CEP350: variants seen among roughly 807,000 people sequenced by gnomAD.
The protein encoded by CEP350 is centrosomal protein 350.
A neutral mutation model predicts 331.8 loss-of-function variants in CEP350; 126 were observed. The observed-to-expected ratio is 0.38, with a 90% confidence interval of 0.33 to 0.44. The LOEUF is 0.44. CEP350 is among the 20% of genes least tolerant of loss of function. CEP350 has a pLI of 1.00. For missense variants in CEP350, 3,406 were observed against 3,634.6 expected (o/e 0.94, Z 1.62); for synonymous variants, 1,200 against 1,259.5 (o/e 0.95, Z 1.00).
At chr1:180,018,618 C>T (rs1170591053) in intron 11 of CEP350, among the ~76,000 whole-genome samples, 1 of 152,094 alleles carries the variant, frequency 6.6e-6, no homozygotes, top group African/African-American at 2.4e-5. Flanking sequence ...ACCCTGGTTA[C>T]CCCCCTTCAG....
intron 37 of CEP350, 81 bp downstream of exon 37, chr1:180,099,066 G>A: frequency 1.5e-6 from 2 of 1,354,908 alleles, no homozygotes; most frequent in Non-Finnish European, 2.0e-6. Context: ...AAAGGAAAAG[G>A]GATAGACTTA....
At chr1:180,097,551 G>A (rs965345575) in intron 36 of CEP350, among the ~76,000 whole-genome samples, 1 of 151,984 alleles carries the variant, frequency 6.6e-6, no homozygotes, top group African/African-American at 2.4e-5. Flanking sequence ...TAAGAACATT[G>A]TTTTTTTAAC....
At position 180,094,616 on chromosome 1, in the gene CEP350, G is replaced by A. The variant is rs375800445; in HGVS notation, c.8511G>A (p.Pro2837=). Residue 2837 remains proline, a splice_region_variant and synonymous_variant, in exon 34 of 38, where the codon CCG becomes CCA. Coordinates refer to ENST00000367607, the MANE Select transcript of CEP350 (RefSeq NM_014810.5). ...CCTCTCCAGATATGTGTCCCAGACC[G>A]GTGAGTATTTCGTCTAGAAAAAGTA... ...EISSPDMCPR[P]ESPVFGASGQ... 39 of 1,607,244 alleles carry A rather than the reference G, an allele frequency of 2.4e-5. No individual in the cohort carries two copies. Among genetic ancestry groups the A allele is most frequent in the Middle Eastern group, 1.7e-4 (1 of 6,034 alleles).
In CEP350 at chr1:180,108,288, C is replaced by G. The variant is rs139626681; in HGVS notation, c.9190-2709C>G. On this transcript the variant is annotated intron_variant, in intron 37 of 37. Coordinates refer to ENST00000367607, the MANE Select transcript of CEP350 (RefSeq NM_014810.5). The stretch of plus-strand genomic sequence containing the variant: ...TGCACAAAAGATTTCCTTAGTGTTT[C>G]CTAAATTTTGTTATTGTGGAGGAAA... 2.6e-5 allele frequency among the ~76,000 whole-genome samples: 4 copies of G among 152,112 alleles called. No individual in the cohort carries two copies. The East Asian group carries it at 7.8e-4, about 30-fold the overall frequency.
intron 1 of CEP350, among the ~76,000 whole-genome samples, chr1:179,962,359 G>A (rs929933590): frequency 6.6e-6 from 1 of 152,072 alleles, no homozygotes; most frequent in Admixed American, 6.6e-5. Flanking sequence ...ATTCCACGGT[G>A]TATATGTACC....
At position 180,111,403 on chromosome 1, in the gene CEP350, A is replaced by G; in HGVS notation, c.*242A>G. The G allele has an allele frequency of 2.8e-6, 1 of 358,020 alleles. No individual in the cohort carries two copies. Among genetic ancestry groups the G allele is most frequent in the East Asian group, 4.9e-5 (1 of 20,572 alleles). 22.2% of individuals were successfully genotyped at this position (358,020 alleles called of 1,614,324 possible). ...GGGCAGGGTTGCACAGTGTAATCCTACACCTTTTGCTAACACCCCTACTAG... is the reference window on the plus strand; with the variant it reads ...GGGCAGGGTTGCACAGTGTAATCCTGCACCTTTTGCTAACACCCCTACTAG... On this transcript the variant is annotated 3_prime_UTR_variant, in exon 38 of 38. Coordinates refer to ENST00000367607, the MANE Select transcript of CEP350 (RefSeq NM_014810.5).
chr1:180,034,305 CAT>C (rs953832726), intron 16 of CEP350, among the ~76,000 whole-genome samples: 3 of 152,072 alleles, frequency 2.0e-5, no homozygotes, highest in Non-Finnish European at 4.4e-5. Flanking sequence ...TTAGTCAAAA[CAT>C]ATCTGAAAAA....
chr1:180,024,332 G>A lies in CEP350; in HGVS notation c.3387-87G>A, dbSNP rs920064139. Reference sequence around the variant, plus strand: ...CTTTGATTGTAGTTATAGTCTCCTAGTGATTACATAGATTTTTAAATATCT... The same window carrying A: ...CTTTGATTGTAGTTATAGTCTCCTAATGATTACATAGATTTTTAAATATCT... On this transcript the variant is annotated intron_variant, in intron 13 of 37. Transcript: ENST00000367607. 2.5e-6 allele frequency: 3 copies of A among 1,221,442 alleles called. No individual in the cohort carries two copies. The African/African-American group carries it at 4.6e-5, about 19-fold the overall frequency. The allele number at this position is 1,221,442 out of a possible 1,614,324, so 75.7% of individuals were successfully genotyped here. A position where few individuals can be genotyped will look rare whatever the true frequency, so the allele number is the denominator to read the frequency against.
At position 179,987,275 on chromosome 1, in the gene CEP350, AC is replaced by A; in HGVS notation, c.111del (p.Lys38ArgfsTer4). On this transcript the variant is annotated frameshift_variant, in exon 3 of 38. Coordinates refer to ENST00000367607, the MANE Select transcript of CEP350 (RefSeq NM_014810.5). LOFTEE classifies it high-confidence loss of function. ...CACATCGTGGGATGCACTTTCTCAA[AC>A]CAAGGCTGCTGTAAGTAGTTTTAGC... ...ITTSWDALSQ[T>X]KAALRHIENK... 2 of 1,561,672 alleles carry A rather than the reference AC, an allele frequency of 1.3e-6. No individual in the cohort carries two copies. Among genetic ancestry groups the A allele is most frequent in the Non-Finnish European group, 1.8e-6 (2 of 1,138,280 alleles).
At chr1:180,041,932 A>G (rs1411938239) in intron 19 of CEP350, 130 bp downstream of exon 19, 1 of 785,222 alleles carries the variant, frequency 1.3e-6, no homozygotes, top group African/African-American at 1.8e-5. Flanking sequence ...AGTGGGGGCC[A>G]TACCCTATTG....
At chr1:180,007,124 C>T (rs759659089) in intron 8 of CEP350, among the ~76,000 whole-genome samples, 14 of 152,232 alleles carry the variant, frequency 9.2e-5, no homozygotes, top group African/African-American at 3.4e-4. Context: ...GGTATATACC[C>T]AATAATGGGA....
chr1:179,973,360 A>T (rs1476944012), intron 1 of CEP350, among the ~76,000 whole-genome samples: 1 of 152,232 alleles, frequency 6.6e-6, no homozygotes, highest in African/African-American at 2.4e-5. Flanking sequence ...GGTAGCTGAG[A>T]GAAATGTCTT....
intron 15 of CEP350, among the ~76,000 whole-genome samples, chr1:180,033,608 T>C (rs899392852): frequency 2.0e-5 from 3 of 152,180 alleles, no homozygotes; most frequent in Non-Finnish European, 2.9e-5. Context: ...GCTAGTTTAA[T>C]CAAGCTACTC....
chr1:180,008,260 C>A (rs541965643), intron 8 of CEP350, among the ~76,000 whole-genome samples: 22 of 152,142 alleles, frequency 1.4e-4, no homozygotes, highest in Non-Finnish European at 2.9e-4. Context: ...TGGCCCTCAT[C>A]CAGATTGCCC....
At position 180,021,267 on chromosome 1, in the gene CEP350, C is replaced by T. The variant is rs74784935; in HGVS notation, c.3235+258C>T. On this transcript the variant is annotated intron_variant, in intron 12 of 37. Coordinates refer to ENST00000367607, the MANE Select transcript of CEP350 (RefSeq NM_014810.5). Reference sequence around the variant, plus strand: ...GACTGGTAGCTTTAGAAATTTTTATCTAGTTCAGAGAAATTCATAGATGAT... The same window carrying T: ...GACTGGTAGCTTTAGAAATTTTTATTTAGTTCAGAGAAATTCATAGATGAT... Among the ~76,000 whole-genome samples, 3 of 152,170 alleles carry T rather than the reference C, an allele frequency of 2.0e-5. No individual in the cohort carries two copies. The East Asian group carries it at 5.8e-4, about 29-fold the overall frequency.
chr1:179,954,961 G>GTCT lies in CEP350; in HGVS notation c.-192_-190dup. ...GGAGGGGAGGCAGCCTTTCCGCCTT[G>GTCT]TCTTCCTTCCCAGCGGACCGGCGGA... On this transcript the variant is annotated 5_prime_UTR_variant, in exon 1 of 38. Coordinates refer to ENST00000367607, the MANE Select transcript of CEP350 (RefSeq NM_014810.5). 1.7e-6 allele frequency: 2 copies of GTCT among 1,149,980 alleles called. No individual in the cohort carries two copies. Among genetic ancestry groups the GTCT allele is most frequent in the Non-Finnish European group, 2.3e-6 (2 of 883,884 alleles). 71.2% of individuals were successfully genotyped at this position (1,149,980 alleles called of 1,614,324 possible).
At chr1:180,022,658 T>G in intron 12 of CEP350, 40 bp from the exon 13 acceptor site, 2 of 1,576,262 alleles carry the variant, frequency 1.3e-6, no homozygotes, top group South Asian at 1.2e-5. Context: ...AGTTTCTTGA[T>G]TTTCGTTTTT....
chr1:180,090,148 C>G (rs1660083578), intron 32 of CEP350, among the ~76,000 whole-genome samples: 1 of 152,086 alleles, frequency 6.6e-6, no homozygotes, highest in Non-Finnish European at 1.5e-5. Context: ...TATGGATGAA[C>G]TTGCATGTAA....
Position 180,094,197 on chromosome 1 carries a change from C to A in CEP350, c.8092C>A (p.Gln2698Lys), listed in dbSNP as rs866876691. The A allele has an allele frequency of 1.9e-6, 3 of 1,613,108 alleles. No individual in the cohort carries two copies. In the African/African-American group the frequency reaches 4.0e-5, roughly 22 times the overall value. The change falls in exon 34 of 38, where the codon CAG becomes AAG. Residue 2698 changes from glutamine to lysine, a missense_variant. Around this residue, in one of 5 missense-constraint regions of CEP350, gnomAD observed 1,415 missense variants for 1,512.3 expected, o/e 0.94. Coordinates refer to ENST00000367607, the MANE Select transcript of CEP350 (RefSeq NM_014810.5). ...NTFSEELEKQ[Q>K]QFTEEEDNLY... ...CTTTTCCGAAGAATTGGAGAAGCAA[C>A]AGCAGTTTACAGAAGAGGAAGACAA...
Sources: allele counts gnomAD v4.1 joint callset (sites outside exome capture counted in the v4.1 genomes callset), GRCh38; gene constraint gnomAD v4.1.1; regional missense constraint gnomAD v4.1.1; transcripts MANE v1.5; gene names NCBI Gene and HGNC (gene_info 2026-07-23, HGNC 2026-07-21).